The following R3HCC1L variants were observed in gnomAD, a reference collection of about 807,000 sequenced individuals.
R3HCC1L encodes the protein coiled-coil domain-containing protein R3HCC1L.
Under a neutral mutation model 59.9 loss-of-function variants are expected in R3HCC1L, and 51 were observed. That is an observed-to-expected ratio of 0.85 (90% CI 0.68 to 1.07). The LOEUF (loss-of-function observed/expected upper bound fraction) is 1.07. R3HCC1L is among the 50% of genes least tolerant of loss of function. The pLI is 0.00. For synonymous variants in R3HCC1L, 322 were observed against 315.2 expected (o/e 1.02, Z -0.23); for missense variants, 965 against 933.0 (o/e 1.03, Z -0.45).
At chr10:98,159,790 C>T (rs1236906194) in intron 2 of R3HCC1L, among the ~76,000 whole-genome samples, 1 of 152,166 alleles carries the variant, frequency 6.6e-6, no homozygotes, top group African/African-American at 2.4e-5. Context: ...CCAGCCCCAG[C>T]CTTGGAATAA....
intron 5 of R3HCC1L, chr10:98,211,260 A>AT (rs1206674329): frequency 8.0e-7 from 1 of 1,253,714 alleles, no homozygotes; most frequent in African/African-American, 1.5e-5. Context: ...CTTGTTAGAA[A>AT]TTCAAATTAT....
intron 4 of R3HCC1L, among the ~76,000 whole-genome samples, chr10:98,178,228 A>C (rs539091252): frequency 1.3e-5 from 2 of 151,858 alleles, no homozygotes; most frequent in African/African-American, 4.8e-5. Flanking sequence ...ATCCATCTCG[A>C]ATTAGTTTTT....
intron 5 of R3HCC1L, among the ~76,000 whole-genome samples, chr10:98,226,007 C>T (rs983901723): frequency 2.0e-5 from 3 of 151,994 alleles, no homozygotes; most frequent in Non-Finnish European, 4.4e-5. Flanking sequence ...CCTCCATGCC[C>T]GGCTAATGTT....
chr10:98,187,730 CTTTTTTTTTTT>C (rs755546581), intron 4 of R3HCC1L, among the ~76,000 whole-genome samples: 3 of 95,146 alleles, frequency 3.2e-5, no homozygotes, highest in South Asian at 3.6e-4. Context: ...TGTAACAATT[CTTTTTTTTTTT>C]TTTTTTTTTT....
chr10:98,240,092 G>A (rs1260515223), intron 9 of R3HCC1L, among the ~76,000 whole-genome samples: 4 of 152,128 alleles, frequency 2.6e-5, no homozygotes, highest in Non-Finnish European at 5.9e-5. Flanking sequence ...GATCATCTGA[G>A]GTCAGGTGTT....
intron 4 of R3HCC1L, among the ~76,000 whole-genome samples, chr10:98,180,455 T>C (rs868185576): frequency 6.6e-6 from 1 of 152,224 alleles, no homozygotes; most frequent in Admixed American, 6.5e-5. Flanking sequence ...CTTTTTGATT[T>C]GCTGAGGAGT....
chr10:98,203,438 A>G (rs1318249164), intron 4 of R3HCC1L, among the ~76,000 whole-genome samples: 1 of 152,232 alleles, frequency 6.6e-6, no homozygotes, highest in Non-Finnish European at 1.5e-5. Flanking sequence ...GACAATATAT[A>G]TAGTTTAGCT....
In R3HCC1L at chr10:98,174,493, T is replaced by A. The variant is rs903721286; in HGVS notation, c.-15+11096T>A. ...AAGATACTATCTGCCCTCAAGAAAC[T>A]TGTAGAGTGTGAGATGGCATTCATA... is the stretch of plus-strand genomic sequence containing the variant. On this transcript the variant is annotated intron_variant, in intron 4 of 9. Transcript: ENST00000298999. The A allele has an allele frequency of 8.9e-6, 7 of 785,614 alleles. No homozygotes were observed. In the South Asian group the frequency reaches 4.1e-4, roughly 46 times the overall value. The allele number at this position is 785,614 out of a possible 1,614,324, so 48.7% of individuals were successfully genotyped here.
intron 5 of R3HCC1L, among the ~76,000 whole-genome samples, chr10:98,222,811 AAGAG>A (rs1442973662): frequency 6.6e-6 from 1 of 152,164 alleles, no homozygotes; most frequent in African/African-American, 2.4e-5. Flanking sequence ...TAAAGAAAAA[AAGAG>A]AGAAGAATCT....
intron 4 of R3HCC1L, among the ~76,000 whole-genome samples, chr10:98,189,671 C>T (rs1156287961): frequency 6.6e-6 from 1 of 152,050 alleles, no homozygotes; most frequent in African/African-American, 2.4e-5. Context: ...TTTGTGTTTT[C>T]AAGTGTGAAA....
intron 1 of R3HCC1L, among the ~76,000 whole-genome samples, chr10:98,136,872 A>G (rs1844641546): frequency 6.6e-6 from 1 of 152,088 alleles, no homozygotes; most frequent in Non-Finnish European, 1.5e-5. Context: ...TTTTACTAAG[A>G]CCTGTCACAT....
chr10:98,222,434 G>A (rs1365885942), intron 5 of R3HCC1L, among the ~76,000 whole-genome samples: 1 of 152,026 alleles, frequency 6.6e-6, no homozygotes, highest in Non-Finnish European at 1.5e-5. Context: ...GGAGTGGTGA[G>A]AGACGGCATC....
chr10:98,164,956 C>A (rs1305311540), intron 4 of R3HCC1L, among the ~76,000 whole-genome samples: 1 of 152,176 alleles, frequency 6.6e-6, no homozygotes, highest in Non-Finnish European at 1.5e-5. Context: ...GTTATTGATT[C>A]TGTCATCAAA....
intron 6 of R3HCC1L, among the ~76,000 whole-genome samples, chr10:98,233,660 A>G (rs1346822912): frequency 6.6e-6 from 1 of 152,212 alleles, no homozygotes; most frequent in Non-Finnish European, 1.5e-5. Context: ...GCTGAAAAAT[A>G]TAACTGTTAT....
At chr10:98,149,064 T>G (rs929381473) in intron 1 of R3HCC1L, among the ~76,000 whole-genome samples, 3 of 152,066 alleles carry the variant, frequency 2.0e-5, no homozygotes, top group Non-Finnish European at 1.5e-5. Context: ...GTTTGTTGAG[T>G]TTTTCTGTTT....
At chr10:98,242,743 A>G (rs1420966899) in intron 9 of R3HCC1L, among the ~76,000 whole-genome samples, 1 of 152,134 alleles carries the variant, frequency 6.6e-6, no homozygotes, top group Non-Finnish European at 1.5e-5. Flanking sequence ...TTTCCTTGGG[A>G]TGTAGAACCA....
chr10:98,222,069 T>C (rs1855053961), intron 5 of R3HCC1L, among the ~76,000 whole-genome samples: 2 of 152,214 alleles, frequency 1.3e-5, no homozygotes, highest in African/African-American at 4.8e-5. Flanking sequence ...CAGTGGTTTG[T>C]AGTTGTCCTT....
At chr10:98,181,702 C>A (rs570540557) in intron 4 of R3HCC1L, among the ~76,000 whole-genome samples, 2 of 152,152 alleles carry the variant, frequency 1.3e-5, no homozygotes, top group Admixed American at 1.3e-4. Context: ...TTTCCTGGAG[C>A]CTTTGTTCAT....
At position 98,209,458 on chromosome 10, in the gene R3HCC1L, T is replaced by G. The variant is rs770524194; in HGVS notation, c.1344T>G (p.Gly448=). 2.5e-6 allele frequency: 4 copies of G among 1,613,642 alleles called. No individual in the cohort carries two copies. The highest frequency in any genetic ancestry group is 3.4e-6 in the Non-Finnish European group (4 of 1,179,976). Residue 448 remains glycine, a synonymous_variant, in exon 5 of 10, where the codon GGT becomes GGG. Transcript: ENST00000298999. ...CTTCTGCTTGCTCAGATATTTATGG[T>G]GAGAGTATTTCATCTCATTTTACAG... ...SNPSACSDIY[G]ESISSHFTES...
Sources: gnomAD v4.1 joint callset for allele counts (sites outside exome capture counted in the v4.1 genomes callset) on GRCh38, gnomAD v4.1.1 for gene constraint, MANE v1.5 for transcripts, NCBI Gene and HGNC (gene_info 2026-07-23, HGNC 2026-07-21) for gene names.